IFT80: variants seen among roughly 807,000 people sequenced by gnomAD.
IFT80 encodes intraflagellar transport 80, also known as intraflagellar transport protein 80 homolog.
Under a neutral mutation model 107.9 loss-of-function variants are expected in IFT80, and 79 were observed. That is an observed-to-expected ratio of 0.73 (90% CI 0.61 to 0.88). The LOEUF (loss-of-function observed/expected upper bound fraction) is 0.88. Ranked by LOEUF, IFT80 falls within the 40% of genes least tolerant of loss-of-function variation. IFT80 has a pLI of 0.00. For synonymous variants in IFT80, 299 were observed against 300.9 expected (o/e 0.99, Z 0.07); for missense variants, 797 against 914.2 (o/e 0.87, Z 1.65).
chr3:160,358,049 C>T (rs189754664), intron 6 of IFT80, among the ~76,000 whole-genome samples: 6 of 152,148 alleles, frequency 3.9e-5, no homozygotes, highest in Admixed American at 3.9e-4. Context: ...CTCACTGTCA[C>T]GCAGGTTGGA....
At chr3:160,295,360 T>C (rs973038710) in intron 12 of IFT80, among the ~76,000 whole-genome samples, 2 of 152,202 alleles carry the variant, frequency 1.3e-5, no homozygotes, top group African/African-American at 4.8e-5. Context: ...ATCCCAGCAC[T>C]TTGGGAAGCT....
At chr3:160,385,836 C>T (rs776334237) in intron 1 of IFT80, among the ~76,000 whole-genome samples, 18 of 152,088 alleles carry the variant, frequency 1.2e-4, no homozygotes, top group Admixed American at 6.5e-4. Flanking sequence ...TAACATTTTA[C>T]GAAATGCTGC....
chr3:160,277,314 G>C lies in IFT80; in HGVS notation c.2091C>G (p.Asn697Lys). Residue 697 changes from asparagine (N) to lysine (K), a missense_variant, in exon 18 of 20, where the codon AAC becomes AAG. Transcript: ENST00000326448. ...QAIQININLY[N>K]WERALELAVK... ...GAAAGCATTCTTATTACCTTTCCCA[G>C]TTGTAGAGATTAATATTGATCTGGA... 1 of 1,612,226 alleles carries C rather than the reference G, an allele frequency of 6.2e-7. No individual in the cohort carries two copies. The highest frequency in any genetic ancestry group is 1.1e-5 in the South Asian group (1 of 91,022).
intron 8 of IFT80, among the ~76,000 whole-genome samples, chr3:160,350,236 G>A (rs1468078148): frequency 1.3e-5 from 2 of 151,490 alleles, no homozygotes; most frequent in African/African-American, 4.9e-5. Context: ...GCAATATGGT[G>A]AAACCCCGTA....
At chr3:160,347,536 C>T (rs774270235) in intron 8 of IFT80, among the ~76,000 whole-genome samples, 18 of 152,224 alleles carry the variant, frequency 1.2e-4, no homozygotes, top group Middle Eastern at 3.4e-3. Flanking sequence ...TCACACTACA[C>T]AAAATCATCT....
chr3:160,350,901 C>T (rs1352324301), intron 8 of IFT80, among the ~76,000 whole-genome samples: 1 of 151,638 alleles, frequency 6.6e-6, no homozygotes, highest in East Asian at 1.9e-4. Flanking sequence ...CTTCAAAAGA[C>T]AACATTTCTT....
At position 160,319,768 on chromosome 3, in the gene IFT80, C is replaced by T. The variant is rs201544947; in HGVS notation, c.949G>A (p.Ala317Thr). ...NFQVTLTKRR[A>T]MQVRNVLNDA... Reference sequence around the variant, plus strand: ...TTGGAACATAATAATACCTGCATGGCTCTTCTTTTCGTTAATGTTACTTGA... The same window carrying T: ...TTGGAACATAATAATACCTGCATGGTTCTTCTTTTCGTTAATGTTACTTGA... The change falls in exon 9 of 20, where the codon GCC becomes ACC. Residue 317 changes from alanine (A) to threonine (T), a missense_variant. By Grantham distance (58) the Ala-to-Thr change is moderately conservative (BLOSUM62 0). Coordinates refer to ENST00000326448, the MANE Select transcript of IFT80 (RefSeq NM_020800.3). 38 of 1,612,576 alleles carry T rather than the reference C, an allele frequency of 2.4e-5. 1 individual carries two copies. The East Asian group carries it at 7.1e-4, about 30-fold the overall frequency.
At chr3:160,367,362 A>C (rs1721937820) in intron 5 of IFT80, among the ~76,000 whole-genome samples, 3 of 152,112 alleles carry the variant, frequency 2.0e-5, no homozygotes, top group Non-Finnish European at 4.4e-5. Flanking sequence ...TTTACATATT[A>C]AAATACAAAT....
chr3:160,260,177 T>C lies in IFT80; in HGVS notation c.2224-1542A>G, dbSNP rs76619161. Among the ~76,000 whole-genome samples, 703 of 152,244 alleles carry C rather than the reference T, an allele frequency of 4.6e-3. 6 individuals carry two copies. The highest frequency in any genetic ancestry group is 0.016 in the African/African-American group (678 of 41,558). On this transcript the variant is annotated intron_variant, in intron 19 of 19. Transcript: ENST00000326448. ...ATGCCATATACTTATGTATAATACA[T>C]AAAATAGATGAATTAATAAACGAAT...
At chr3:160,282,255 G>A (rs1348178232) in intron 14 of IFT80, among the ~76,000 whole-genome samples, 2 of 152,080 alleles carry the variant, frequency 1.3e-5, no homozygotes, top group South Asian at 2.1e-4. Context: ...ACTCCAGCAT[G>A]GGTGACAGAG....
Position 160,375,808 on chromosome 3 carries a change from A to G in IFT80, c.439+4T>C. 1 of 1,606,626 alleles carries G rather than the reference A, an allele frequency of 6.2e-7. No homozygotes were observed. Among genetic ancestry groups the G allele is most frequent in the South Asian group, 1.1e-5 (1 of 90,670 alleles). On this transcript the variant is annotated splice_donor_region_variant and intron_variant, in intron 5 of 19. Coordinates refer to ENST00000326448, the MANE Select transcript of IFT80 (RefSeq NM_020800.3). The stretch of plus-strand genomic sequence containing the variant: ...AAAATGAAATTGTCAATTGTAAAAC[A>G]TACCTTGCTGAGCTAAAGTTGATCT...
At chr3:160,345,731 A>C (rs1411802305) in intron 8 of IFT80, among the ~76,000 whole-genome samples, 1 of 150,796 alleles carries the variant, frequency 6.6e-6, no homozygotes, top group East Asian at 1.9e-4. Context: ...GATGGTTATC[A>C]GAGGCTGGGA....
rs62272197 is a variant in IFT80 at position 160,377,232 on chromosome 3, G to T, written c.370+198C>A. On this transcript the variant is annotated intron_variant, in intron 4 of 19. Transcript: ENST00000326448. Reference sequence around the variant, plus strand: ...TCCAAAAGCCTTCTTTGACAGAACAGTCTCCAAAGGTCACATAAGAAAATG... The same window carrying T: ...TCCAAAAGCCTTCTTTGACAGAACATTCTCCAAAGGTCACATAAGAAAATG... Among the ~76,000 whole-genome samples, 12,248 of 152,120 alleles carry T rather than the reference G, an allele frequency of 0.081. 665 individuals carry two copies. The highest frequency in any genetic ancestry group is 0.14 in the African/African-American group (5,974 of 41,484).
chr3:160,265,149 C>T (rs1192965498), intron 19 of IFT80, among the ~76,000 whole-genome samples: 1 of 152,158 alleles, frequency 6.6e-6, no homozygotes, highest in African/African-American at 2.4e-5. Context: ...GTGTCTGTCA[C>T]GTTTACTATT....
chr3:160,366,494 C>G (rs1448376879), intron 5 of IFT80, among the ~76,000 whole-genome samples: 1 of 151,732 alleles, frequency 6.6e-6, no homozygotes, highest in Admixed American at 6.6e-5. Flanking sequence ...AAAGAAATAG[C>G]AGAAAAGTCA....
At chr3:160,289,976 G>C (rs547224905) in intron 12 of IFT80, among the ~76,000 whole-genome samples, 39 of 152,242 alleles carry the variant, frequency 2.6e-4, no homozygotes, top group Middle Eastern at 3.4e-3. Flanking sequence ...GAAGTGCAAG[G>C]GTTGGTAGAA....
At position 160,282,628 on chromosome 3, in the gene IFT80, A is replaced by T. The variant is rs753249289; in HGVS notation, c.1381-15T>A. ...AAGATTTCATTCTAAAATTTTTTTT[A>T]AATGTAAATACTGGGTTAGTTTTAG... On this transcript the variant is annotated splice_polypyrimidine_tract_variant and intron_variant, in intron 13 of 19. Coordinates refer to ENST00000326448, the MANE Select transcript of IFT80 (RefSeq NM_020800.3). 4.0e-6 allele frequency: 6 copies of T among 1,487,032 alleles called. No individual in the cohort carries two copies. The African/African-American group carries it at 4.2e-5, about 10-fold the overall frequency. 92.1% of individuals were successfully genotyped at this position (1,487,032 alleles called of 1,614,324 possible).
rs1168384395 is a variant in IFT80, at chr3:160,357,588, A to G, written c.550-10T>C. The G allele has an allele frequency of 1.3e-6, 2 of 1,535,942 alleles. No homozygotes were observed. Among genetic ancestry groups the G allele is most frequent in the Admixed American group, 3.4e-5 (2 of 59,398 alleles). ...CATCATGAGCTTTCCACTGTGAGAA[A>G]AAAGAATAAGATATTAATTATAAGT... On this transcript the variant is annotated splice_polypyrimidine_tract_variant and intron_variant, in intron 6 of 19. Coordinates refer to ENST00000326448, the MANE Select transcript of IFT80 (RefSeq NM_020800.3).
At chr3:160,302,541 T>C (rs972769996) in intron 11 of IFT80, among the ~76,000 whole-genome samples, 4 of 152,104 alleles carry the variant, frequency 2.6e-5, no homozygotes, top group African/African-American at 9.6e-5. Flanking sequence ...CATCTCTATA[T>C]ACATAAATAA....
Sources: gnomAD v4.1 joint callset for allele counts (sites outside exome capture counted in the v4.1 genomes callset) on GRCh38, gnomAD v4.1.1 for gene constraint, MANE v1.5 for transcripts, NCBI Gene and HGNC (gene_info 2026-07-23, HGNC 2026-07-21) for gene names.